SMYD3: variants seen among roughly 807,000 people sequenced by gnomAD.
The protein encoded by SMYD3 is SET and MYND domain containing 3, also known as histone-lysine N-methyltransferase SMYD3.
SMYD3 carries 36 observed loss-of-function variants against 57.7 expected under a neutral mutation model. The ratio of observed to expected loss-of-function variants is 0.62; its 90% CI spans 0.48 to 0.82. The LOEUF (loss-of-function observed/expected upper bound fraction) is 0.82. Among genes scored for constraint, SMYD3 ranks in the 40% least tolerant of loss-of-function variants. SMYD3 has a pLI of 0.00. For synonymous variants in SMYD3, 211 were observed against 195.0 expected (o/e 1.08, Z -0.68); for missense variants, 515 against 538.8 (o/e 0.96, Z 0.44).
chr1:246,354,502 A>G (rs2065880042), intron 2 of SMYD3, among the ~76,000 whole-genome samples: 1 of 152,328 alleles, frequency 6.6e-6, no homozygotes, highest in Middle Eastern at 3.4e-3. Context: ...ACCAAATATT[A>G]GAAAAGTGCC....
At chr1:246,008,100 A>G (rs578147625) in intron 5 of SMYD3, among the ~76,000 whole-genome samples, 14 of 152,340 alleles carry the variant, frequency 9.2e-5, no homozygotes, top group African/African-American at 3.1e-4. Context: ...TCCTAATGGT[A>G]TCACAAGCGA....
At chr1:246,126,083 C>A (rs771600877) in intron 5 of SMYD3, among the ~76,000 whole-genome samples, 9 of 152,182 alleles carry the variant, frequency 5.9e-5, no homozygotes. Flanking sequence ...TTCCAGAGCA[C>A]TAAGAAGCAT....
intron 5 of SMYD3, among the ~76,000 whole-genome samples, chr1:246,157,174 G>C (rs1045829719): frequency 6.6e-6 from 1 of 152,086 alleles, no homozygotes; most frequent in Non-Finnish European, 1.5e-5. Flanking sequence ...CTGTCCCTTC[G>C]GGGCGCCCCC....
In SMYD3 at chr1:245,806,687, G is replaced by A. The variant is rs2048164827; in HGVS notation, c.1077-42538C>T. Among the ~76,000 whole-genome samples the A allele has an allele frequency of 3.3e-5, 5 of 151,694 alleles. No homozygotes were observed. In the South Asian group the frequency reaches 1.0e-3, roughly 32 times the overall value. ...GCACTTTGGGAGGCCGAGGCGGGTG[G>A]ATCATGAGGTCAGGAGATGGAGACC... On this transcript the variant is annotated intron_variant, in intron 10 of 11. Transcript: ENST00000490107.
intron 5 of SMYD3, among the ~76,000 whole-genome samples, chr1:246,281,729 G>A (rs72776372): frequency 0.16 from 23,746 of 152,180 alleles, 2,314 homozygotes; most frequent in East Asian, 0.31. Flanking sequence ...CTTAGGCACT[G>A]AGAAAACAGT....
chr1:246,212,525 T>G (rs1018712314), intron 5 of SMYD3, among the ~76,000 whole-genome samples: 1 of 152,152 alleles, frequency 6.6e-6, no homozygotes, highest in Non-Finnish European at 1.5e-5. Flanking sequence ...TTTCCTCTCT[T>G]TATTTTTTCT....
chr1:245,793,120 T>TA (rs2047360975), intron 10 of SMYD3, among the ~76,000 whole-genome samples: 1 of 144,814 alleles, frequency 6.9e-6, no homozygotes, highest in East Asian at 2.0e-4. Context: ...CCATCCTGGC[T>TA]AACACGGTGA....
At chr1:246,276,522 T>TA (rs2064336265) in intron 5 of SMYD3, among the ~76,000 whole-genome samples, 1 of 142,370 alleles carries the variant, frequency 7.0e-6, no homozygotes, top group South Asian at 2.3e-4. Flanking sequence ...CTCTGTTTTT[T>TA]ACTAGCCGTA....
At chr1:246,250,712 C>A (rs1458496723) in intron 5 of SMYD3, among the ~76,000 whole-genome samples, 1 of 152,162 alleles carries the variant, frequency 6.6e-6, no homozygotes, top group African/African-American at 2.4e-5. Flanking sequence ...TGACGTACAT[C>A]TTTTAAAGAT....
intron 1 of SMYD3, among the ~76,000 whole-genome samples, chr1:246,477,341 G>A (rs2184975): frequency 0.59 from 89,331 of 152,014 alleles, 27,780 homozygotes; most frequent in African/African-American, 0.79. Context: ...TTTCTCCAAC[G>A]GGTACCATGA....
chr1:246,239,613 G>C (rs996000983), intron 5 of SMYD3, among the ~76,000 whole-genome samples: 6 of 152,128 alleles, frequency 3.9e-5, no homozygotes, highest in Admixed American at 6.5e-5. Flanking sequence ...CCCAGTAATG[G>C]GATGGCTGGG....
At chr1:246,043,809 C>G (rs1051941621) in intron 5 of SMYD3, among the ~76,000 whole-genome samples, 5 of 152,198 alleles carry the variant, frequency 3.3e-5, no homozygotes, top group Admixed American at 6.5e-5. Context: ...TCACAGCGTG[C>G]CTTCCCCTTC....
intron 5 of SMYD3, among the ~76,000 whole-genome samples, chr1:246,224,479 TA>T (rs1445549685): frequency 6.6e-6 from 1 of 151,934 alleles, no homozygotes; most frequent in Non-Finnish European, 1.5e-5. Context: ...GCAGATATAT[TA>T]GTACTGAAAT....
chr1:246,376,410 G>A (rs1379883082), intron 1 of SMYD3, among the ~76,000 whole-genome samples: 2 of 151,516 alleles, frequency 1.3e-5, no homozygotes, highest in East Asian at 3.9e-4. Context: ...GGCCAACATG[G>A]TGAAACCCCA....
intron 1 of SMYD3, among the ~76,000 whole-genome samples, chr1:246,378,098 T>C (rs1180305058): frequency 6.6e-6 from 1 of 152,236 alleles, no homozygotes; most frequent in Non-Finnish European, 1.5e-5. Flanking sequence ...TTCTACTGAG[T>C]TTTCTTAGTG....
chr1:245,806,714 T>C (rs1300389421), intron 10 of SMYD3, among the ~76,000 whole-genome samples: 5 of 151,546 alleles, frequency 3.3e-5, no homozygotes, highest in African/African-American at 1.2e-4. Flanking sequence ...ATGGAGACCA[T>C]CCTGGCTAAC....
intron 5 of SMYD3, among the ~76,000 whole-genome samples, chr1:246,002,789 A>G (rs1344521205): frequency 6.6e-6 from 1 of 151,152 alleles, no homozygotes; most frequent in African/African-American, 2.4e-5. Flanking sequence ...CTGCTCTGTC[A>G]CCCAGCCTAG....
chr1:245,769,549 T>C (rs1429925767), intron 10 of SMYD3, among the ~76,000 whole-genome samples: 3 of 152,152 alleles, frequency 2.0e-5, no homozygotes, highest in African/African-American at 7.2e-5. Context: ...AAGAATACTG[T>C]AGATTAAAAG....
At chr1:245,809,240 G>A (rs2048333862) in intron 10 of SMYD3, among the ~76,000 whole-genome samples, 1 of 152,144 alleles carries the variant, frequency 6.6e-6, no homozygotes. Context: ...GCAAATAAGA[G>A]AAGAAAAAAC....
Sources: allele counts gnomAD v4.1 joint callset (sites outside exome capture counted in the v4.1 genomes callset), GRCh38; gene constraint gnomAD v4.1.1; transcripts MANE v1.5; gene names NCBI Gene and HGNC (gene_info 2026-07-23, HGNC 2026-07-21).